Variants in TNS3 observed in about 807,000 individuals in gnomAD.
TNS3 encodes tensin-3.
A neutral mutation model predicts 140.9 loss-of-function variants in TNS3; 45 were observed. That is an observed-to-expected ratio of 0.32 (90% CI 0.25 to 0.41). The LOEUF (loss-of-function observed/expected upper bound fraction) is 0.41. TNS3 is among the 10% of genes least tolerant of loss of function. The pLI, the probability that TNS3 is intolerant of heterozygous loss-of-function variation, is 1.00. For synonymous variants in TNS3, 815 were observed against 788.4 expected, an observed-to-expected ratio of 1.03 and a Z score of -0.56; for missense variants, 1,716 against 1,906.7, an observed-to-expected ratio of 0.90 and a Z score of 1.86.
chr7:47,481,457 A>G (rs377185262), intron 3 of TNS3, among the ~76,000 whole-genome samples: 1 of 152,042 alleles, frequency 6.6e-6, no homozygotes, highest in Admixed American at 6.5e-5. Context: ...AAGGATGGAA[A>G]CCTCTGAGTC....
chr7:47,478,246 T>C (rs903497255), intron 4 of TNS3, among the ~76,000 whole-genome samples: 23 of 152,184 alleles, frequency 1.5e-4, no homozygotes, highest in African/African-American at 4.6e-4. Context: ...AGCAATTCAG[T>C]ACGTCTGGGC....
rs1790919503 is a variant in TNS3, at chr7:47,369,407, G to C, written c.1239C>G (p.Thr413=). The C allele has an allele frequency of 1.9e-6, 3 of 1,613,976 alleles. No homozygotes were observed. In the African/African-American group the frequency reaches 4.0e-5, roughly 22 times the overall value. The stretch of plus-strand genomic sequence containing the variant: ...TCTCCTGGGCACTCAGGCCCCTCCT[G>C]GTTCCTGGGGCCAGGCGCTCTTCCG... ...DKTEERLAPG[T]RRGLSAQEKA... The change falls in exon 17 of 31, where the codon ACC becomes ACG. Residue 413 remains threonine (T), a synonymous_variant. Coordinates refer to ENST00000311160, the MANE Select transcript of TNS3 (RefSeq NM_022748.12).
intron 17 of TNS3, among the ~76,000 whole-genome samples, chr7:47,360,436 G>A (rs1174976095): frequency 6.6e-6 from 1 of 152,222 alleles, no homozygotes; most frequent in Admixed American, 6.5e-5. Context: ...AGCAAACAAA[G>A]AGCAAGAGTC....
rs1375576002 is a variant in TNS3, at chr7:47,363,047, ACCACCATCACCG to A, written c.2281+5306_2281+5317del. On this transcript the variant is annotated intron_variant, in intron 17 of 30. Coordinates refer to ENST00000311160, the MANE Select transcript of TNS3 (RefSeq NM_022748.12). ...CATCACCATCACCATCAACATCATC[ACCACCATCACCG>A]TCATCATCCACCATCACCACCATCA... is the stretch of plus-strand genomic sequence containing the variant. Among the ~76,000 whole-genome samples the A allele has an allele frequency of 2.8e-3, 418 of 151,332 alleles. 1 individual carries two copies. The highest frequency in any genetic ancestry group is 3.8e-3 in the African/African-American group (156 of 41,144).
intron 20 of TNS3, among the ~76,000 whole-genome samples, chr7:47,333,054 C>A (rs1017560505): frequency 6.6e-6 from 1 of 152,122 alleles, no homozygotes; most frequent in Non-Finnish European, 1.5e-5. Context: ...CATGGGGACA[C>A]TTCCAAGCTG....
At chr7:47,446,686 G>A (rs2151606017) in intron 4 of TNS3, among the ~76,000 whole-genome samples, 1 of 70,254 alleles carries the variant, frequency 1.4e-5, no homozygotes, top group East Asian at 4.8e-4. Context: ...GTTCCAGGCT[G>A]CCTTTTTTTT....
chr7:47,371,473 C>T (rs1460103822), intron 16 of TNS3, among the ~76,000 whole-genome samples: 1 of 152,170 alleles, frequency 6.6e-6, no homozygotes, highest in African/African-American at 2.4e-5. Flanking sequence ...CCTGTGTGCT[C>T]CTGCTGGCCC....
intron 8 of TNS3, among the ~76,000 whole-genome samples, chr7:47,434,075 C>T (rs1009861538): frequency 6.6e-6 from 1 of 152,026 alleles, no homozygotes; most frequent in Non-Finnish European, 1.5e-5. Flanking sequence ...AGGAAAGAGA[C>T]AACACTAGAG....
At chr7:47,429,211 G>A (rs1794807954) in intron 8 of TNS3, among the ~76,000 whole-genome samples, 1 of 152,210 alleles carries the variant, frequency 6.6e-6, no homozygotes, top group Non-Finnish European at 1.5e-5. Flanking sequence ...AAAATGTGTT[G>A]AAGTTCAGAT....
chr7:47,556,965 C>A (rs1323020182), intron 1 of TNS3: 10 of 453,268 alleles, frequency 2.2e-5, no homozygotes, highest in African/African-American at 2.0e-4. Context: ...GTCCTCCAGT[C>A]CCTGCCACCA....
intron 3 of TNS3, among the ~76,000 whole-genome samples, chr7:47,495,643 C>G (rs2151842886): frequency 1.3e-5 from 2 of 152,332 alleles, no homozygotes; most frequent in South Asian, 4.1e-4. Flanking sequence ...AACCTACACT[C>G]AGAGCCAGAA....
chr7:47,280,693 C>G (rs542462387), intron 28 of TNS3, among the ~76,000 whole-genome samples: 76 of 152,252 alleles, frequency 5.0e-4, no homozygotes, highest in Middle Eastern at 6.8e-3. Context: ...GCGGGTTGAT[C>G]ACCTGAGGTC....
intron 1 of TNS3, among the ~76,000 whole-genome samples, chr7:47,557,919 G>A (rs1277583128): frequency 2.0e-5 from 3 of 152,222 alleles, no homozygotes; most frequent in Non-Finnish European, 2.9e-5. Flanking sequence ...TGGAAGGATG[G>A]CCTCTTTTCC....
intron 2 of TNS3, among the ~76,000 whole-genome samples, chr7:47,520,960 C>T (rs564809570): frequency 8.5e-5 from 13 of 152,286 alleles, no homozygotes; most frequent in African/African-American, 2.6e-4. Context: ...CAGAGAAGAG[C>T]GGATCAATGA....
intron 13 of TNS3, among the ~76,000 whole-genome samples, chr7:47,403,746 A>G (rs1308307683): frequency 1.3e-5 from 2 of 152,224 alleles, no homozygotes; most frequent in African/African-American, 2.4e-5. Context: ...ACAGCAGGTC[A>G]GATCTTGAGA....
intron 16 of TNS3, among the ~76,000 whole-genome samples, chr7:47,392,222 C>T (rs927199676): frequency 2.5e-4 from 38 of 152,270 alleles, no homozygotes; most frequent in African/African-American, 8.7e-4. Context: ...CACAGACCCA[C>T]GGGGAGACCA....
chr7:47,563,898 T>C (rs1400346201), intron 1 of TNS3, among the ~76,000 whole-genome samples: 3 of 152,164 alleles, frequency 2.0e-5, no homozygotes, highest in Admixed American at 1.3e-4. Context: ...TTTTTACATA[T>C]GATTAACATT....
At chr7:47,566,576 G>A (rs891114586) in intron 1 of TNS3, among the ~76,000 whole-genome samples, 1 of 152,210 alleles carries the variant, frequency 6.6e-6, no homozygotes, top group Non-Finnish European at 1.5e-5. Context: ...CTTAAAAACA[G>A]TTAAGAACTA....
chr7:47,426,345 C>T (rs1438957410), intron 9 of TNS3, among the ~76,000 whole-genome samples: 1 of 152,172 alleles, frequency 6.6e-6, no homozygotes, highest in Non-Finnish European at 1.5e-5. Context: ...TGCTTAAATA[C>T]ATAACATATC....
Sources: allele counts gnomAD v4.1 joint callset (sites outside exome capture counted in the v4.1 genomes callset), GRCh38; gene constraint gnomAD v4.1.1; transcripts MANE v1.5; gene names NCBI Gene and HGNC (gene_info 2026-07-23, HGNC 2026-07-21).